Variants in DNAAF9 observed in about 807,000 individuals in gnomAD.
DNAAF9 encodes the protein shulin.
In DNAAF9, 90 loss-of-function variants were observed where a neutral mutation model predicts 167.0. That is an observed-to-expected ratio of 0.54 (90% CI 0.45 to 0.64). The LOEUF is 0.64. Ranked by LOEUF, DNAAF9 falls within the 30% of genes least tolerant of loss-of-function variation. The probability of loss-of-function intolerance (pLI) is 0.00; values close to 1 mark genes in which losing one functional copy is unlikely to be tolerated. For missense variants in DNAAF9, 1,315 were observed against 1,442.2 expected, an observed-to-expected ratio of 0.91 and a Z score of 1.43; for synonymous variants, 491 against 508.8, an observed-to-expected ratio of 0.96 and a Z score of 0.47.
At chr20:3,283,735 AT>A (rs1165591968) in intron 27 of DNAAF9, among the ~76,000 whole-genome samples, 1 of 152,232 alleles carries the variant, frequency 6.6e-6, no homozygotes, top group Non-Finnish European at 1.5e-5. Flanking sequence ...GCTCACTCAG[AT>A]TGTAGGCTTA....
In DNAAF9 at chr20:3,253,813, GT is replaced by G; in HGVS notation, c.3333del (p.Lys1111AsnfsTer36). 2 of 1,586,198 alleles carry G rather than the reference GT, an allele frequency of 1.3e-6. No individual in the cohort carries two copies. Among genetic ancestry groups the G allele is most frequent in the Non-Finnish European group, 1.7e-6 (2 of 1,154,606 alleles). On this transcript the variant is annotated frameshift_variant, in exon 36 of 37. Coordinates refer to ENST00000252032, the MANE Select transcript of DNAAF9 (RefSeq NM_001009984.3). LOFTEE classifies it high-confidence loss of function. ...CCTGCAGGTAGGGGTTCCAAGTGGCGTTTTACCTGTAGGAGAAAAGAGACCT... is the reference window on the plus strand; with the variant it reads ...CCTGCAGGTAGGGGTTCCAAGTGGCGTTTACCTGTAGGAGAAAAGAGACCT... The part of the protein sequence containing the change: ...TQQEIRSIHV[K>X]RHLEPLPAGY...
intron 20 of DNAAF9, among the ~76,000 whole-genome samples, chr20:3,304,996 A>C (rs1340677363): frequency 1.3e-5 from 2 of 152,216 alleles, no homozygotes; most frequent in African/African-American, 4.8e-5. Context: ...AGACTGGTGA[A>C]GGGAGCTTAA....
chr20:3,364,043 C>A (rs1290008731), intron 6 of DNAAF9, among the ~76,000 whole-genome samples: 1 of 152,148 alleles, frequency 6.6e-6, no homozygotes, highest in African/African-American at 2.4e-5. Context: ...TGCAAGTGAT[C>A]CTCCTGCCTC....
rs532715725 is a variant in DNAAF9 at position 3,354,685 on chromosome 20, C to A, written c.690+4831G>T. 8.5e-5 allele frequency among the ~76,000 whole-genome samples: 13 copies of A among 152,342 alleles called. No individual in the cohort carries two copies. In the South Asian group the frequency reaches 2.5e-3, roughly 29 times the overall value. On this transcript the variant is annotated intron_variant, in intron 7 of 36. Coordinates refer to ENST00000252032, the MANE Select transcript of DNAAF9 (RefSeq NM_001009984.3). ...TTCTGGAAAATCTCTGATTACCACA[C>A]ATGACTCCTCTAAGAAGCAATCCTG...
At chr20:3,255,167 G>C in intron 35 of DNAAF9, 52 bp downstream of exon 35, 1 of 1,132,892 alleles carries the variant, frequency 8.8e-7, no homozygotes, top group Non-Finnish European at 1.3e-6. Context: ...AGCTAGGCAA[G>C]CCGAGGACAG....
intron 34 of DNAAF9, 110 bp from the exon 35 acceptor site, chr20:3,255,394 G>C (rs1172676716): frequency 2.9e-6 from 2 of 689,786 alleles, no homozygotes; most frequent in Non-Finnish European, 5.3e-6. Context: ...AGTGGGGAAA[G>C]CACGTGCGCT....
intron 7 of DNAAF9, among the ~76,000 whole-genome samples, chr20:3,356,807 G>A (rs563667987): frequency 1.3e-3 from 200 of 152,088 alleles, no homozygotes; most frequent in African/African-American, 4.4e-3. Flanking sequence ...CCTCTGGTCA[G>A]ACATGTCATG....
At chr20:3,358,269 C>T (rs1486886321) in intron 7 of DNAAF9, among the ~76,000 whole-genome samples, 1 of 151,796 alleles carries the variant, frequency 6.6e-6, no homozygotes, top group African/African-American at 2.4e-5. Context: ...GGACAATTTT[C>T]TCTGGGGCAT....
chr20:3,325,741 C>A (rs188932057), intron 13 of DNAAF9, among the ~76,000 whole-genome samples: 2 of 152,106 alleles, frequency 1.3e-5, no homozygotes, highest in African/African-American at 4.8e-5. Context: ...GGTCAGAGAA[C>A]GGGAACACAT....
intron 10 of DNAAF9, among the ~76,000 whole-genome samples, chr20:3,336,307 CTTCATTTT>C (rs1175993535): frequency 2.8e-5 from 1 of 35,130 alleles, no homozygotes; most frequent in African/African-American, 8.9e-5. Flanking sequence ...ACCTTTATTT[CTTCATTTT>C]TTAAGTCTCA....
intron 29 of DNAAF9, among the ~76,000 whole-genome samples, chr20:3,272,522 C>T (rs77785405): frequency 6.6e-6 from 1 of 152,210 alleles, no homozygotes; most frequent in South Asian, 2.1e-4. Flanking sequence ...AGCCACGGCA[C>T]CCAGCTTCAT....
chr20:3,315,602 C>A lies in DNAAF9; in HGVS notation c.1590+133G>T. On this transcript the variant is annotated intron_variant, in intron 19 of 36. Coordinates refer to ENST00000252032, the MANE Select transcript of DNAAF9 (RefSeq NM_001009984.3). The surrounding 1 kb of genome is among the most constrained non-coding windows in gnomAD (Gnocchi z 4.1). ...AGCTCTGCTGGGAAGGGGAGGAATG[C>A]AAATAGGAAGTGAAGACAACATAGT... The A allele has an allele frequency of 1.4e-6, 1 of 731,636 alleles. No individual in the cohort carries two copies. The highest frequency in any genetic ancestry group is 2.4e-6 in the Non-Finnish European group (1 of 412,172). The allele number at this position is 731,636 out of a possible 1,614,324, so 45.3% of individuals were successfully genotyped here.
intron 1 of DNAAF9, among the ~76,000 whole-genome samples, chr20:3,402,224 A>G (rs1473688888): frequency 6.6e-6 from 1 of 152,106 alleles, no homozygotes; most frequent in Non-Finnish European, 1.5e-5. Flanking sequence ...ATGGTGCTAG[A>G]AAATTTCATG....
intron 34 of DNAAF9, among the ~76,000 whole-genome samples, 200 bp from the exon 35 acceptor site, chr20:3,255,484 G>A (rs1299681479): frequency 1.3e-5 from 2 of 152,112 alleles, no homozygotes; most frequent in East Asian, 3.9e-4. Flanking sequence ...GAGCCAGCAG[G>A]GAACAAGCAG....
At chr20:3,362,761 A>G (rs996697736) in intron 6 of DNAAF9, among the ~76,000 whole-genome samples, 1 of 152,188 alleles carries the variant, frequency 6.6e-6, no homozygotes, top group African/African-American at 2.4e-5. Context: ...TGACTTAAAC[A>G]TATCAGAAAT....
intron 29 of DNAAF9, among the ~76,000 whole-genome samples, chr20:3,272,618 C>T (rs1043080314): frequency 6.6e-6 from 1 of 152,148 alleles, no homozygotes; most frequent in East Asian, 1.9e-4. Flanking sequence ...TAGCTTTAAA[C>T]TTTATCAATC....
At chr20:3,300,602 C>A (rs2069166926) in intron 21 of DNAAF9, among the ~76,000 whole-genome samples, 1 of 151,156 alleles carries the variant, frequency 6.6e-6, no homozygotes, top group Admixed American at 6.6e-5. Context: ...AGGCACCTGC[C>A]ACCATGCCTC....
chr20:3,296,016 C>T (rs1435861634), intron 23 of DNAAF9: 40 of 1,296,414 alleles, frequency 3.1e-5, no homozygotes, highest in Admixed American at 8.5e-5. Context: ...TCGGGAACTT[C>T]GGTTTCAAGC....
At chr20:3,364,881 TC>T (rs2123192022) in intron 6 of DNAAF9, among the ~76,000 whole-genome samples, 1 of 150,634 alleles carries the variant, frequency 6.6e-6, no homozygotes, top group East Asian at 2.0e-4. Context: ...TTCCCTCCCT[TC>T]CCCTCCCCTT....
Sources: allele counts gnomAD v4.1 joint callset (sites outside exome capture counted in the v4.1 genomes callset), GRCh38; gene constraint gnomAD v4.1.1; non-coding constraint Gnocchi (gnomAD v3.1); transcripts MANE v1.5; gene names NCBI Gene and HGNC (gene_info 2026-07-23, HGNC 2026-07-21).